The following EXD3 variants were observed in gnomAD, a reference collection of about 807,000 sequenced individuals.
The protein encoded by EXD3 is exonuclease 3'-5' domain containing 3, also known as exonuclease mut-7 homolog.
EXD3 carries 92 observed loss-of-function variants against 98.0 expected under a neutral mutation model. The ratio of observed to expected loss-of-function variants is 0.94; its 90% CI spans 0.79 to 1.12. The LOEUF (loss-of-function observed/expected upper bound fraction) is 1.12, where lower values mean the gene tolerates loss of function less well. EXD3 is among the 50% of genes most tolerant of loss of function. EXD3 has a pLI of 0.00. For missense variants in EXD3, 1,222 were observed against 1,191.6 expected, an observed-to-expected ratio of 1.03 and a Z score of -0.38; for synonymous variants, 569 against 526.0, an observed-to-expected ratio of 1.08 and a Z score of -1.12.
At chr9:137,353,722 G>A (rs1367952385) in intron 10 of EXD3, 14 of 985,020 alleles carry the variant, frequency 1.4e-5, no homozygotes, top group Non-Finnish European at 1.6e-5. Context: ...GCAAGGTCCT[G>A]GAGTCCATGG....
At chr9:137,313,489 T>A (rs1460223739) in intron 19 of EXD3, among the ~76,000 whole-genome samples, 1 of 152,100 alleles carries the variant, frequency 6.6e-6, no homozygotes, top group East Asian at 1.9e-4. Context: ...CAGCTAGACA[T>A]GACCCCCTGA....
At position 137,423,117 on chromosome 9, in the gene EXD3, CG is replaced by C. The variant is rs917539230; in HGVS notation, c.-52del. On this transcript the variant is annotated 5_prime_UTR_variant, in exon 1 of 22. Transcript: ENST00000340951. ...CGCGCGGCCCGGGGTCGCTCACCTG[CG>C]GGGCCGGGACCGCCCCACACCGTCC... 4 of 151,508 alleles carry C rather than the reference CG, an allele frequency of 2.6e-5. No homozygotes were observed. Among genetic ancestry groups the C allele is most frequent in the African/African-American group, 9.7e-5 (4 of 41,354 alleles). The allele number at this position is 151,508 out of a possible 1,614,324, so 9.4% of individuals were successfully genotyped here.
At position 137,396,785 on chromosome 9, in the gene EXD3, G is replaced by A. The variant is rs367656375; in HGVS notation, c.-47-1381C>T. On this transcript the variant is annotated intron_variant, in intron 1 of 21. Transcript: ENST00000340951. The stretch of plus-strand genomic sequence containing the variant: ...GGCTGCTCCAGACTCCTGCTCCACC[G>A]TCGGGGAGGGACTGTGGCTCTCCCA... Among the ~76,000 whole-genome samples the A allele has an allele frequency of 3.9e-5, 6 of 152,192 alleles. No individual in the cohort carries two copies. The East Asian group carries it at 1.2e-3, about 29-fold the overall frequency.
rs371018555 is a variant in EXD3 at position 137,366,483 on chromosome 9, C to T, written c.656+10G>A. ...TCTGGTGCCAGCTGCCAGCGCCCCA[C>T]GGGACTCACCTGGCAACGTCCTTGA... is the stretch of plus-strand genomic sequence containing the variant. On this transcript the variant is annotated intron_variant, in intron 7 of 21. Transcript: ENST00000340951. 6.3e-5 allele frequency: 97 copies of T among 1,545,444 alleles called. No individual in the cohort carries two copies. The highest frequency in any genetic ancestry group is 3.5e-4 in the South Asian group (29 of 83,714).
intron 17 of EXD3, among the ~76,000 whole-genome samples, chr9:137,344,710 C>T (rs544542851): frequency 4.6e-5 from 7 of 152,320 alleles, no homozygotes; most frequent in Admixed American, 2.0e-4. Context: ...TGTTTAAGAG[C>T]GCTCCCCTCA....
rs1283166943 is a variant in EXD3 at position 137,307,531 on chromosome 9, C to T, written c.2317+77G>A. The T allele has an allele frequency of 1.0e-5, 16 of 1,564,540 alleles. No individual in the cohort carries two copies. The South Asian group carries it at 1.0e-4, about 10-fold the overall frequency. ...CCCTCTGCCCGGCCGGGACCCAAGT[C>T]CCCCATTCTGGGGGAAGCCTGGCAC... is the stretch of plus-strand genomic sequence containing the variant. On this transcript the variant is annotated intron_variant, in intron 21 of 21. Coordinates refer to ENST00000340951, the MANE Select transcript of EXD3 (RefSeq NM_017820.5).
Position 137,307,074 on chromosome 9 carries a change from C to G in EXD3, c.2507G>C (p.Gly836Ala). ...GTGGGAGCCGTCCCAGAAGACCTTTCCACAGCCCGTGCAGCAGTAGAAGCA... is the reference window on the plus strand; with the variant it reads ...GTGGGAGCCGTCCCAGAAGACCTTTGCACAGCCCGTGCAGCAGTAGAAGCA... ...LRCFYCCTGC[G>A]KVFWDGSHLG... Residue 836 changes from glycine (G) to alanine (A), a missense_variant, in exon 22 of 22, where the codon GGA (glycine) becomes GCA (alanine). By Grantham distance (60) the Gly-to-Ala change is moderately conservative. Coordinates refer to ENST00000340951, the MANE Select transcript of EXD3 (RefSeq NM_017820.5). The G allele has an allele frequency of 1.9e-6, 3 of 1,611,722 alleles. No homozygotes were observed. The highest frequency in any genetic ancestry group is 2.5e-6 in the Non-Finnish European group (3 of 1,179,482).
chr9:137,390,720 CTCA>C (rs1374302101), intron 2 of EXD3, among the ~76,000 whole-genome samples: 1 of 152,202 alleles, frequency 6.6e-6, no homozygotes, highest in Admixed American at 6.5e-5. Context: ...TCATGTCACC[CTCA>C]TGTCACAGCC....
At chr9:137,323,899 C>G in intron 18 of EXD3, 43 bp from the exon 19 acceptor site, 1 of 1,568,848 alleles carries the variant, frequency 6.4e-7, no homozygotes. Context: ...GTGCAGAGCC[C>G]AGCACCTGCC....
chr9:137,343,973 T>C lies in EXD3; in HGVS notation c.1998+4098A>G, dbSNP rs557463384. 3.7e-3 allele frequency among the ~76,000 whole-genome samples: 451 copies of C among 121,126 alleles called. 2 individuals are homozygous for C. Among genetic ancestry groups the C allele is most frequent in the Non-Finnish European group, 5.8e-3 (354 of 60,884 alleles). 79.5% of individuals were successfully genotyped at this position (121,126 alleles called of 152,430 possible). ...GTGGCACGATCTCGGCTCACTGCAA[T>C]CTCCACCCCCTGGGTTCACGCCATT... On this transcript the variant is annotated intron_variant, in intron 17 of 21. Coordinates refer to ENST00000340951, the MANE Select transcript of EXD3 (RefSeq NM_017820.5).
At chr9:137,335,923 TGTG>T (rs1057281566) in intron 17 of EXD3, among the ~76,000 whole-genome samples, 2 of 151,962 alleles carry the variant, frequency 1.3e-5, no homozygotes, top group African/African-American at 4.8e-5. Context: ...ATTAAAAAAA[TGTG>T]GTATATATAT....
chr9:137,390,008 G>A (rs1023956346), intron 2 of EXD3, among the ~76,000 whole-genome samples: 1 of 147,392 alleles, frequency 6.8e-6, no homozygotes, highest in Non-Finnish European at 1.5e-5. Flanking sequence ...TGTAATCCCA[G>A]CTACTCAGGA....
intron 1 of EXD3, among the ~76,000 whole-genome samples, chr9:137,404,787 G>A (rs1837639082): frequency 6.6e-6 from 1 of 152,098 alleles, no homozygotes; most frequent in African/African-American, 2.4e-5. Context: ...TTGAACCCGG[G>A]AGGCAGAGGT....
At chr9:137,370,787 G>C (rs1047303568) in intron 5 of EXD3, among the ~76,000 whole-genome samples, 1 of 148,422 alleles carries the variant, frequency 6.7e-6, no homozygotes, top group African/African-American at 2.5e-5. Flanking sequence ...GGAGCCAAGA[G>C]GGCCTTTTTT....
rs760024207 is a variant in EXD3 at position 137,351,142 on chromosome 9, C to G, written c.1390G>C (p.Gly464Arg). The G allele has an allele frequency of 3.2e-6, 5 of 1,573,744 alleles. No homozygotes were observed. In the East Asian group the frequency reaches 1.2e-4, roughly 37 times the overall value. The change falls in exon 14 of 22, where the codon GGG becomes CGG. Residue 464 changes from glycine (G) to arginine (R), a missense_variant. Physicochemically the swap from Gly to Arg is moderately radical, Grantham distance 125 (BLOSUM62 -2). Transcript: ENST00000340951. ...AGTTTTTGCAGGTCCCCCACCATCC[C>G]GTAGCCTGTGGGCAGGAACCATCGT... is the stretch of plus-strand genomic sequence containing the variant. ...SDPSITKLGY[G>R]MVGDLQKLGT...
Position 137,354,286 on chromosome 9 carries a change from A to G in EXD3, c.870+53T>C, listed in dbSNP as rs1198997594. On this transcript the variant is annotated intron_variant, in intron 10 of 21. Transcript: ENST00000340951. ...CAGGAGGCTCCGGGCCTGTGCCCCT[A>G]GGACAGCCGCCCAGGCCGCCCTGCC... The G allele has an allele frequency of 6.9e-6, 11 of 1,600,732 alleles. No individual in the cohort carries two copies. In the Admixed American group the frequency reaches 1.7e-4, roughly 25 times the overall value.
At chr9:137,402,230 G>A (rs370856041) in intron 1 of EXD3, among the ~76,000 whole-genome samples, 7 of 152,102 alleles carry the variant, frequency 4.6e-5, no homozygotes, top group Non-Finnish European at 7.4e-5. Context: ...TGGTCAGGCC[G>A]GTCTTGAACT....
At chr9:137,317,353 C>T (rs542297743) in intron 19 of EXD3, among the ~76,000 whole-genome samples, 2 of 152,280 alleles carry the variant, frequency 1.3e-5, no homozygotes, top group Admixed American at 6.5e-5. Flanking sequence ...CCTGGCACCC[C>T]GAGGACAGCC....
At chr9:137,422,975 C>T (rs1838615336) in intron 1 of EXD3, 139 bp downstream of exon 1, 1 of 152,082 alleles carries the variant, frequency 6.6e-6, no homozygotes, top group East Asian at 1.9e-4. Flanking sequence ...TCAGTTTCCC[C>T]ACCCCGGGAG....
Sources: allele counts gnomAD v4.1 joint callset (sites outside exome capture counted in the v4.1 genomes callset), GRCh38; gene constraint gnomAD v4.1.1; transcripts MANE v1.5; gene names NCBI Gene and HGNC (gene_info 2026-07-23, HGNC 2026-07-21).